FRMD5: variants seen among roughly 807,000 people sequenced by gnomAD.
FRMD5 encodes FERM domain containing 5.
FRMD5 carries 20 observed loss-of-function variants against 69.0 expected under a neutral mutation model. The ratio of observed to expected loss-of-function variants is 0.29; its 90% CI spans 0.20 to 0.42. The LOEUF (loss-of-function observed/expected upper bound fraction) is 0.42, where lower values mean the gene tolerates loss of function less well. Ranked by LOEUF, FRMD5 falls within the 10% of genes least tolerant of loss-of-function variation. The pLI is 1.00. For missense variants in FRMD5, 595 were observed against 708.6 expected, an observed-to-expected ratio of 0.84 and a Z score of 1.82; for synonymous variants, 271 against 260.1, an observed-to-expected ratio of 1.04 and a Z score of -0.40.
chr15:44,121,457 T>C (rs1224517123), intron 1 of FRMD5, among the ~76,000 whole-genome samples: 1 of 152,178 alleles, frequency 6.6e-6, no homozygotes, highest in African/African-American at 2.4e-5. Flanking sequence ...GCTGAAATCT[T>C]GATCTGCTTT....
chr15:44,086,638 C>T (rs1481479484), intron 1 of FRMD5, among the ~76,000 whole-genome samples: 1 of 152,074 alleles, frequency 6.6e-6, no homozygotes, highest in Non-Finnish European at 1.5e-5. Context: ...GATGAGGTTA[C>T]ATAACACTGT....
At chr15:44,142,960 C>T (rs879805159) in intron 1 of FRMD5, among the ~76,000 whole-genome samples, 1 of 151,874 alleles carries the variant, frequency 6.6e-6, no homozygotes, top group African/African-American at 2.4e-5. Context: ...CGTGGTGGCG[C>T]GGGCCTGCAG....
chr15:43,957,933 T>G, intron 1 of FRMD5, among the ~76,000 whole-genome samples: 1 of 152,238 alleles, frequency 6.6e-6, no homozygotes, highest in East Asian at 1.9e-4. Flanking sequence ...GGCGAGACAC[T>G]ATGCTTATGT....
intron 1 of FRMD5, among the ~76,000 whole-genome samples, chr15:43,996,407 T>C: frequency 6.6e-6 from 1 of 152,206 alleles, no homozygotes. Flanking sequence ...TGCTGTGCTG[T>C]CTGAGGTTTG....
chr15:44,136,474 C>T (rs945403938), intron 1 of FRMD5, among the ~76,000 whole-genome samples: 1 of 152,084 alleles, frequency 6.6e-6, no homozygotes, highest in African/African-American at 2.4e-5. Context: ...GCACATAAGT[C>T]ACAAACTGGC....
chr15:44,086,726 AT>A (rs1894211212), intron 1 of FRMD5, among the ~76,000 whole-genome samples: 1 of 152,182 alleles, frequency 6.6e-6, no homozygotes, highest in South Asian at 2.1e-4. Flanking sequence ...ATTTACCACA[AT>A]TTTTAAAAGG....
rs375551339 is a variant in FRMD5 at position 44,119,828 on chromosome 15, G to C, written c.102+75125C>G. Among the ~76,000 whole-genome samples, 131 of 151,892 alleles carry C rather than the reference G, an allele frequency of 8.6e-4. 1 individual carries two copies. The highest frequency in any genetic ancestry group is 3.0e-3 in the African/African-American group (125 of 41,398). ...AGAACACAAACTCCATGAGCACAGG[G>C]ATCTTTGCCTGTTTTATTCATTACT... On this transcript the variant is annotated intron_variant, in intron 1 of 13. Transcript: ENST00000417257.
At position 44,022,770 on chromosome 15, in the gene FRMD5, C is replaced by G. The variant is rs975812053; in HGVS notation, c.103-98461G>C. 3.3e-5 allele frequency among the ~76,000 whole-genome samples: 5 copies of G among 152,202 alleles called. No individual in the cohort carries two copies. In the South Asian group the frequency reaches 8.3e-4, roughly 25 times the overall value. On this transcript the variant is annotated intron_variant, in intron 1 of 13. Coordinates refer to ENST00000417257, the MANE Select transcript of FRMD5 (RefSeq NM_032892.5). ...CTTCTAATGGAGAGGAAGAAAGAGA[C>G]TTGCTCAGGGACACATGTGAAATGG... is the stretch of plus-strand genomic sequence containing the variant.
intron 1 of FRMD5, among the ~76,000 whole-genome samples, chr15:44,021,913 C>T (rs1028648839): frequency 2.6e-5 from 4 of 152,020 alleles, no homozygotes; most frequent in Non-Finnish European, 4.4e-5. Flanking sequence ...TCAACAAATA[C>T]ACAAAATGTA....
At chr15:44,068,096 G>A (rs902733864) in intron 1 of FRMD5, among the ~76,000 whole-genome samples, 2 of 152,146 alleles carry the variant, frequency 1.3e-5, no homozygotes, top group Admixed American at 1.3e-4. Flanking sequence ...AATAACAAGT[G>A]TTGCTAAGAG....
chr15:43,951,947 G>A lies in FRMD5; in HGVS notation c.103-27638C>T, dbSNP rs556836450. On this transcript the variant is annotated intron_variant, in intron 1 of 13. Coordinates refer to ENST00000417257, the MANE Select transcript of FRMD5 (RefSeq NM_032892.5). ...TAAGGGGACACATTTTTTTGGGCCCGAGTCTGTATGTGCATGTGTGTGTGT... is the reference window on the plus strand; with the variant it reads ...TAAGGGGACACATTTTTTTGGGCCCAAGTCTGTATGTGCATGTGTGTGTGT... Among the ~76,000 whole-genome samples the A allele has an allele frequency of 4.6e-5, 7 of 151,364 alleles. No homozygotes were observed. The East Asian group carries it at 5.8e-4, about 13-fold the overall frequency.
chr15:43,940,856 G>C lies in FRMD5; in HGVS notation c.103-16547C>G, dbSNP rs142372665. On this transcript the variant is annotated intron_variant, in intron 1 of 13. Transcript: ENST00000417257. ...GGTTGAAAAGCTATCTTTAAATCGAGTATTATCACAATGACTTTGGTGAAT... is the reference window on the plus strand; with the variant it reads ...GGTTGAAAAGCTATCTTTAAATCGACTATTATCACAATGACTTTGGTGAAT... Among the ~76,000 whole-genome samples the C allele has an allele frequency of 9.9e-4, 150 of 152,262 alleles. 3 individuals are homozygous for C. The East Asian group carries it at 0.02, about 21-fold the overall frequency.
intron 1 of FRMD5, among the ~76,000 whole-genome samples, chr15:43,961,583 C>G (rs1199477008): frequency 6.6e-6 from 1 of 152,166 alleles, no homozygotes; most frequent in Non-Finnish European, 1.5e-5. Context: ...ATACCAAAGC[C>G]TGGCGGAGAC....
intron 7 of FRMD5, among the ~76,000 whole-genome samples, chr15:43,897,600 A>G (rs1221382738): frequency 1.3e-5 from 2 of 151,238 alleles, no homozygotes; most frequent in African/African-American, 4.9e-5. Context: ...TAATGATTCC[A>G]TTTTAAGGGC....
chr15:43,985,782 T>C (rs1202136723), intron 1 of FRMD5, among the ~76,000 whole-genome samples: 3 of 152,160 alleles, frequency 2.0e-5, no homozygotes, highest in South Asian at 2.1e-4. Context: ...AACTTAGAGA[T>C]TGAAGGAATG....
intron 1 of FRMD5, among the ~76,000 whole-genome samples, chr15:44,187,980 C>A (rs2078130519): frequency 6.6e-6 from 1 of 152,164 alleles, no homozygotes; most frequent in African/African-American, 2.4e-5. Context: ...ATCTGCATTG[C>A]CACAACATAT....
chr15:43,929,726 T>C (rs1339605600), intron 1 of FRMD5, among the ~76,000 whole-genome samples: 1 of 152,176 alleles, frequency 6.6e-6, no homozygotes, highest in African/African-American at 2.4e-5. Context: ...GAGTTGTCCT[T>C]GGAGGCCTGC....
chr15:44,195,312 C>T, upstream of FRMD5: 1 of 500,696 alleles, frequency 2.0e-6, no homozygotes, highest in Non-Finnish European at 3.5e-6. Flanking sequence ...GCTCGCGGGG[C>T]GGGGCCTCAA....
chr15:44,151,339 G>A (rs1475112073), intron 1 of FRMD5, among the ~76,000 whole-genome samples: 2 of 150,720 alleles, frequency 1.3e-5, no homozygotes, highest in Admixed American at 1.3e-4. Flanking sequence ...GGAGCTTGCA[G>A]TGAGCCAAGA....
Sources: allele counts gnomAD v4.1 joint callset (sites outside exome capture counted in the v4.1 genomes callset), GRCh38; gene constraint gnomAD v4.1.1; transcripts MANE v1.5; gene names NCBI Gene and HGNC (gene_info 2026-07-23, HGNC 2026-07-21).